Variants in ATG10 observed in about 807,000 individuals in gnomAD.
ATG10 encodes the protein autophagy related 10, also known as ubiquitin-like-conjugating enzyme ATG10.
ATG10 carries 30 observed loss-of-function variants against 32.1 expected under a neutral mutation model. The observed-to-expected ratio is 0.94, with a 90% CI of 0.70 to 1.27. The LOEUF (loss-of-function observed/expected upper bound fraction) is 1.27, where lower values mean the gene tolerates loss of function less well. ATG10 is among the 50% of genes most tolerant of loss of function. The pLI is 0.00. For synonymous variants in ATG10, 87 were observed against 91.5 expected (o/e 0.95, Z 0.28); for missense variants, 233 against 262.3 (o/e 0.89, Z 0.77).
intron 5 of ATG10, among the ~76,000 whole-genome samples, chr5:82,187,941 GA>G (rs1293390188): frequency 6.6e-6 from 1 of 152,122 alleles, no homozygotes; most frequent in Admixed American, 6.5e-5. Flanking sequence ...AGTGTTTGTG[GA>G]AAGTCCTAAA....
intron 3 of ATG10, among the ~76,000 whole-genome samples, chr5:82,098,464 C>T (rs927054771): frequency 2.0e-5 from 3 of 152,088 alleles, no homozygotes; most frequent in Admixed American, 2.0e-4. Context: ...GCGCCCACCA[C>T]CACGCCCTGC....
chr5:81,978,242 G>GT (rs1401931609), intron 1 of ATG10, among the ~76,000 whole-genome samples: 6 of 152,090 alleles, frequency 3.9e-5, no homozygotes, highest in African/African-American at 1.4e-4. Flanking sequence ...GCTAATTTTA[G>GT]TATTTTTAGT....
At chr5:82,075,166 T>G (rs1406646066) in intron 3 of ATG10, among the ~76,000 whole-genome samples, 2 of 152,208 alleles carry the variant, frequency 1.3e-5, no homozygotes, top group Non-Finnish European at 2.9e-5. Context: ...AGGCTCTCTC[T>G]TCGTTACAGA....
chr5:82,136,178 A>T (rs1766735030), intron 3 of ATG10, among the ~76,000 whole-genome samples: 1 of 152,054 alleles, frequency 6.6e-6, no homozygotes. Flanking sequence ...CTCTTTATCC[A>T]ATTTACCAGT....
intron 2 of ATG10, among the ~76,000 whole-genome samples, chr5:82,029,095 T>C (rs765522968): frequency 3.9e-5 from 6 of 152,200 alleles, no homozygotes; most frequent in Non-Finnish European, 8.8e-5. Flanking sequence ...AATTTTCAAA[T>C]CACATTTGTC....
chr5:82,128,335 G>A (rs1195111381), intron 3 of ATG10, among the ~76,000 whole-genome samples: 1 of 148,818 alleles, frequency 6.7e-6, no homozygotes, highest in African/African-American at 2.5e-5. Context: ...TCAGTATGAT[G>A]CTAGCTGGTT....
At chr5:82,052,396 C>T (rs540914466) in intron 2 of ATG10, among the ~76,000 whole-genome samples, 21 of 152,234 alleles carry the variant, frequency 1.4e-4, no homozygotes, top group East Asian at 5.8e-4. Flanking sequence ...AAAATGCAAT[C>T]GGCACTACAC....
intron 2 of ATG10, among the ~76,000 whole-genome samples, chr5:82,048,777 A>G (rs1763306448): frequency 6.6e-6 from 1 of 152,236 alleles, no homozygotes; most frequent in Non-Finnish European, 1.5e-5. Context: ...ACATTTATGC[A>G]GCCAAAAGCA....
intron 3 of ATG10, among the ~76,000 whole-genome samples, chr5:82,066,260 TAC>T (rs1478147072): frequency 1.3e-5 from 2 of 152,172 alleles, no homozygotes; most frequent in African/African-American, 4.8e-5. Flanking sequence ...CAGCTACCTA[TAC>T]ACACTGACTT....
intron 5 of ATG10, among the ~76,000 whole-genome samples, 175 bp downstream of exon 5, chr5:82,178,762 T>G (rs977905841): frequency 2.0e-5 from 3 of 152,108 alleles, no homozygotes; most frequent in Non-Finnish European, 4.4e-5. Context: ...CCAGTCTTGG[T>G]TTAGCCACCC....
intron 5 of ATG10, among the ~76,000 whole-genome samples, chr5:82,190,133 G>A (rs545799337): frequency 2.6e-5 from 4 of 151,900 alleles, no homozygotes; most frequent in African/African-American, 7.3e-5. Context: ...CATATTTTGC[G>A]CTGTCTTCAA....
chr5:82,168,827 GGA>G, intron 4 of ATG10, among the ~76,000 whole-genome samples: 3 of 152,282 alleles, frequency 2.0e-5, no homozygotes, highest in Admixed American at 2.0e-4. Flanking sequence ...AGCAGGAAAA[GGA>G]TTGTCTGTGG....
chr5:82,220,762 C>CTT (rs536010497), intron 5 of ATG10, among the ~76,000 whole-genome samples: 21 of 141,946 alleles, frequency 1.5e-4, no homozygotes, highest in South Asian at 4.5e-4. Context: ...CTTTCTCTCT[C>CTT]TTTTTTTTTT....
chr5:82,034,603 A>C (rs980947096), intron 2 of ATG10, among the ~76,000 whole-genome samples: 1 of 152,096 alleles, frequency 6.6e-6, no homozygotes, highest in Non-Finnish European at 1.5e-5. Flanking sequence ...ATGGCTTCCA[A>C]GGCCTTCAGT....
At chr5:82,045,400 C>T (rs1196462370) in intron 2 of ATG10, among the ~76,000 whole-genome samples, 2 of 151,970 alleles carry the variant, frequency 1.3e-5, no homozygotes, top group Admixed American at 1.3e-4. Context: ...AGGAACACAG[C>T]AGTGGGAGAA....
chr5:82,225,744 A>T (rs1746106911), intron 5 of ATG10, among the ~76,000 whole-genome samples: 1 of 152,048 alleles, frequency 6.6e-6, no homozygotes, highest in Non-Finnish European at 1.5e-5. Context: ...CGGGTGATGG[A>T]TGGCTCTCTG....
intron 4 of ATG10, among the ~76,000 whole-genome samples, chr5:82,167,571 A>G (rs753825062): frequency 1.3e-5 from 2 of 152,222 alleles, no homozygotes; most frequent in South Asian, 2.1e-4. Context: ...CAGGAGACCT[A>G]AGACCCAAAC....
intron 2 of ATG10, among the ~76,000 whole-genome samples, chr5:82,030,541 C>T (rs1762716344): frequency 6.6e-6 from 1 of 152,168 alleles, no homozygotes; most frequent in Admixed American, 6.5e-5. Flanking sequence ...ACTTCTTACT[C>T]CTCAGTTTTG....
intron 3 of ATG10, among the ~76,000 whole-genome samples, chr5:82,103,748 T>C (rs1163944485): frequency 6.6e-6 from 1 of 152,124 alleles, no homozygotes; most frequent in Non-Finnish European, 1.5e-5. Flanking sequence ...AGCTTCTGCC[T>C]ACAAGTGTTT....
Sources: allele counts gnomAD v4.1 joint callset (sites outside exome capture counted in the v4.1 genomes callset), GRCh38; gene constraint gnomAD v4.1.1; transcripts MANE v1.5; gene names NCBI Gene and HGNC (gene_info 2026-07-23, HGNC 2026-07-21).